NRXN1: variants seen among roughly 807,000 people sequenced by gnomAD.
The protein encoded by NRXN1 is neurexin 1, also known as neurexin-1.
A neutral mutation model predicts 150.9 loss-of-function variants in NRXN1; 39 were observed. That is an observed-to-expected ratio of 0.26 (90% CI 0.20 to 0.34). The LOEUF is 0.34. Ranked by LOEUF, NRXN1 falls within the 10% of genes least tolerant of loss-of-function variation. The pLI is 1.00. For synonymous variants in NRXN1, 924 were observed against 757.0 expected (o/e 1.22, Z -3.62); for missense variants, 1,815 against 1,949.9 (o/e 0.93, Z 1.30).
At chr2:50,424,741 A>G (rs1432538613) in intron 17 of NRXN1, among the ~76,000 whole-genome samples, 2 of 152,172 alleles carry the variant, frequency 1.3e-5, no homozygotes, top group Non-Finnish European at 2.9e-5. Flanking sequence ...ACCCATATCT[A>G]ATGAGTATCA....
In NRXN1 at chr2:50,346,516, C is replaced by G. The variant is rs555532184; in HGVS notation, c.3365-109546G>C. ...CCACCAACACCCGCGACGCCTTCCC[C>G]CATCCCCTTTCTATTGTCTTCAAAG... On this transcript the variant is annotated intron_variant, in intron 17 of 22. Transcript: ENST00000401669. This position sits in a 1 kb window ranked among gnomAD's most constrained non-coding sequence, Gnocchi z 5.0. 6.6e-6 allele frequency among the ~76,000 whole-genome samples: 1 copy of G among 152,074 alleles called. No homozygotes were observed. The highest frequency in any genetic ancestry group is 2.4e-5 in the African/African-American group (1 of 41,436).
intron 15 of NRXN1, among the ~76,000 whole-genome samples, chr2:50,481,961 G>C (rs1293048743): frequency 7.1e-6 from 1 of 139,876 alleles, no homozygotes; most frequent in African/African-American, 3.2e-5. Flanking sequence ...GTAGAGACGG[G>C]GTTTCACCGT....
chr2:49,931,944 A>T (rs1247131307), intron 22 of NRXN1, among the ~76,000 whole-genome samples: 2 of 152,176 alleles, frequency 1.3e-5, no homozygotes, highest in East Asian at 3.9e-4. Flanking sequence ...TTTACAAAAT[A>T]ATGAGATTTA....
At chr2:50,117,270 G>C (rs114017618) in intron 18 of NRXN1, among the ~76,000 whole-genome samples, 1 of 151,996 alleles carries the variant, frequency 6.6e-6, no homozygotes, top group East Asian at 1.9e-4. Context: ...CCTTTAAGTC[G>C]GCAAGATCCC....
intron 17 of NRXN1, among the ~76,000 whole-genome samples, chr2:50,373,290 A>ATTT (rs1175183904): frequency 1.3e-5 from 1 of 78,530 alleles, no homozygotes. Context: ...ATTTTATTTT[A>ATTT]TTTTTTATTA....
chr2:50,458,886 T>C (rs1040310992), intron 17 of NRXN1, among the ~76,000 whole-genome samples: 4 of 152,090 alleles, frequency 2.6e-5, no homozygotes, highest in African/African-American at 9.7e-5. Flanking sequence ...GGCATAAAAT[T>C]TTAAAAAATC....
At chr2:50,689,417 G>T (rs2104863136) in intron 5 of NRXN1, among the ~76,000 whole-genome samples, 1 of 152,112 alleles carries the variant, frequency 6.6e-6, no homozygotes, top group South Asian at 2.1e-4. Flanking sequence ...GTAATCACTT[G>T]CATACACCAA....
intron 17 of NRXN1, among the ~76,000 whole-genome samples, chr2:50,320,728 G>A (rs2075978268): frequency 6.6e-6 from 1 of 151,996 alleles, no homozygotes; most frequent in Admixed American, 6.6e-5. Context: ...AGATAAGTAG[G>A]GGCTATGACC....
At chr2:50,821,319 G>C (rs1459066049) in intron 5 of NRXN1, among the ~76,000 whole-genome samples, 1 of 152,100 alleles carries the variant, frequency 6.6e-6, no homozygotes, top group Non-Finnish European at 1.5e-5. Context: ...GCTATCGTTA[G>C]TGTATTTTAT....
At chr2:50,243,178 T>C (rs1001838639) in intron 17 of NRXN1, among the ~76,000 whole-genome samples, 2 of 151,644 alleles carry the variant, frequency 1.3e-5, no homozygotes, top group African/African-American at 4.8e-5. Context: ...CTGAATGATC[T>C]AACAACAAAG....
At chr2:50,884,753 T>A (rs775997731) in intron 5 of NRXN1, among the ~76,000 whole-genome samples, 3 of 151,516 alleles carry the variant, frequency 2.0e-5, no homozygotes, top group Non-Finnish European at 1.5e-5. Flanking sequence ...TAAGTTGCAG[T>A]AACATAGAAA....
intron 5 of NRXN1, among the ~76,000 whole-genome samples, chr2:50,646,785 T>C (rs1330493999): frequency 6.9e-6 from 1 of 144,580 alleles, no homozygotes; most frequent in African/African-American, 2.5e-5. Flanking sequence ...AGTTCCACCA[T>C]GATTCTCTGT....
intron 18 of NRXN1, among the ~76,000 whole-genome samples, chr2:50,219,715 C>A (rs1008352460): frequency 2.7e-5 from 4 of 149,854 alleles, no homozygotes; most frequent in Non-Finnish European, 5.9e-5. Flanking sequence ...GGTGAGACCC[C>A]ATCTCTACAA....
chr2:49,994,951 G>A (rs539143554), intron 21 of NRXN1, among the ~76,000 whole-genome samples: 24 of 152,298 alleles, frequency 1.6e-4, no homozygotes, highest in Admixed American at 1.5e-3. Flanking sequence ...GCGAGAGAAT[G>A]AAATATTGAC....
chr2:50,805,074 G>C (rs184284728), intron 5 of NRXN1, among the ~76,000 whole-genome samples: 3 of 152,156 alleles, frequency 2.0e-5, no homozygotes, highest in Non-Finnish European at 4.4e-5. Flanking sequence ...ACTTACTGTG[G>C]GAATTAAGTG....
chr2:51,016,947 C>T (rs1362970759), intron 2 of NRXN1, among the ~76,000 whole-genome samples: 2 of 152,102 alleles, frequency 1.3e-5, no homozygotes, highest in Non-Finnish European at 2.9e-5. Context: ...AGTTCATGTC[C>T]TTTGCAGGGA....
chr2:49,998,292 G>A (rs924512752), intron 21 of NRXN1, among the ~76,000 whole-genome samples: 10 of 152,102 alleles, frequency 6.6e-5, no homozygotes, highest in Admixed American at 2.6e-4. Flanking sequence ...TATATGACCC[G>A]TGACTCCTGA....
At chr2:50,153,300 G>A (rs2058803350) in intron 18 of NRXN1, among the ~76,000 whole-genome samples, 1 of 150,432 alleles carries the variant, frequency 6.6e-6, no homozygotes, top group African/African-American at 2.4e-5. Context: ...TAAAGTCTTT[G>A]TCTAGTAAGT....
At chr2:50,159,595 G>A (rs1039759655) in intron 18 of NRXN1, among the ~76,000 whole-genome samples, 2 of 152,162 alleles carry the variant, frequency 1.3e-5, no homozygotes, top group South Asian at 2.1e-4. Flanking sequence ...AGAAGCTCAA[G>A]TGAAATAAAT....
Sources: allele counts gnomAD v4.1 joint callset (sites outside exome capture counted in the v4.1 genomes callset), GRCh38; gene constraint gnomAD v4.1.1; non-coding constraint Gnocchi (gnomAD v3.1); transcripts MANE v1.5; gene names NCBI Gene and HGNC (gene_info 2026-07-23, HGNC 2026-07-21).